L3MBTL4: variants seen among roughly 807,000 people sequenced by gnomAD.
L3MBTL4 encodes L3MBTL histone methyl-lysine binding protein 4, also known as lethal(3)malignant brain tumor-like protein 4.
A neutral mutation model predicts 84.5 loss-of-function variants in L3MBTL4; 70 were observed. That is an observed-to-expected ratio of 0.83 (90% CI 0.68 to 1.01). The LOEUF (loss-of-function observed/expected upper bound fraction) is 1.01, where lower values mean the gene tolerates loss of function less well. Ranked by LOEUF, L3MBTL4 falls within the 50% of genes least tolerant of loss-of-function variation. The pLI is 0.00. For missense variants in L3MBTL4, 715 were observed against 754.8 expected (o/e 0.95, Z 0.62); for synonymous variants, 274 against 259.8 (o/e 1.05, Z -0.52).
intron 16 of L3MBTL4, among the ~76,000 whole-genome samples, chr18:5,973,859 G>A (rs1022247994): frequency 2.6e-5 from 4 of 152,152 alleles, no homozygotes; most frequent in South Asian, 2.1e-4. Flanking sequence ...CCTCATTGCC[G>A]TCATGACTCC....
chr18:6,322,341 A>C (rs2051449934), intron 1 of L3MBTL4, among the ~76,000 whole-genome samples: 1 of 151,930 alleles, frequency 6.6e-6, no homozygotes, highest in African/African-American at 2.4e-5. Context: ...CTGTCTCAAA[A>C]AAAGAAAAGA....
chr18:6,047,174 C>T (rs1368821894), intron 16 of L3MBTL4, among the ~76,000 whole-genome samples: 2 of 152,088 alleles, frequency 1.3e-5, no homozygotes, highest in Admixed American at 1.3e-4. Flanking sequence ...CCTGGAAACA[C>T]ATAACCTCCC....
chr18:6,324,786 A>G (rs143427642), intron 1 of L3MBTL4, among the ~76,000 whole-genome samples: 46 of 152,302 alleles, frequency 3.0e-4, no homozygotes, highest in African/African-American at 1.1e-3. Flanking sequence ...AAGATCTACT[A>G]ATGTGTTATT....
chr18:6,241,497 T>G (rs762265788), intron 7 of L3MBTL4, 48 bp from the exon 8 acceptor site: 13 of 1,030,148 alleles, frequency 1.3e-5, no homozygotes, highest in East Asian at 2.4e-5. Context: ...TGTAATCACA[T>G]GCATATTAAA....
chr18:6,008,388 T>G (rs1047666953), intron 16 of L3MBTL4, among the ~76,000 whole-genome samples: 1 of 152,178 alleles, frequency 6.6e-6, no homozygotes, highest in Admixed American at 6.5e-5. Flanking sequence ...CAATATGAGA[T>G]GTTACAACTT....
At chr18:6,070,203 C>T (rs1331697794) in intron 16 of L3MBTL4, among the ~76,000 whole-genome samples, 1 of 152,076 alleles carries the variant, frequency 6.6e-6, no homozygotes, top group African/African-American at 2.4e-5. Flanking sequence ...CAGATTTAAG[C>T]ACTATGAATC....
chr18:6,208,895 T>G (rs961226401), intron 12 of L3MBTL4, among the ~76,000 whole-genome samples: 1 of 152,176 alleles, frequency 6.6e-6, no homozygotes. Flanking sequence ...CAACTGCCAA[T>G]GAACCACATA....
At chr18:6,097,062 C>T (rs1205727756) in intron 14 of L3MBTL4, among the ~76,000 whole-genome samples, 1 of 152,164 alleles carries the variant, frequency 6.6e-6, no homozygotes, top group Non-Finnish European at 1.5e-5. Flanking sequence ...ATTAGCTTGA[C>T]CCACACAAAA....
intron 13 of L3MBTL4, among the ~76,000 whole-genome samples, chr18:6,164,728 T>G (rs1313012028): frequency 6.6e-6 from 1 of 151,674 alleles, no homozygotes; most frequent in African/African-American, 2.4e-5. Flanking sequence ...CAAAGATGGG[T>G]AAAAAACAGA....
intron 16 of L3MBTL4, among the ~76,000 whole-genome samples, chr18:6,076,684 AT>A (rs1171107321): frequency 6.7e-6 from 1 of 150,132 alleles, no homozygotes; most frequent in Non-Finnish European, 1.5e-5. Flanking sequence ...GTAAAAAAAA[AT>A]GTGAATTATT....
chr18:6,198,499 T>C (rs2045507516), intron 12 of L3MBTL4, among the ~76,000 whole-genome samples: 1 of 152,224 alleles, frequency 6.6e-6, no homozygotes, highest in Non-Finnish European at 1.5e-5. Flanking sequence ...GTATAATGCA[T>C]ATTTTTCAAG....
chr18:6,282,637 C>T (rs745912005), intron 4 of L3MBTL4, among the ~76,000 whole-genome samples: 6 of 152,164 alleles, frequency 3.9e-5, no homozygotes, highest in Non-Finnish European at 8.8e-5. Flanking sequence ...ATTTCGCCCA[C>T]ATCCTATCCT....
chr18:6,330,678 G>A (rs952242976), intron 1 of L3MBTL4, among the ~76,000 whole-genome samples: 4 of 152,158 alleles, frequency 2.6e-5, no homozygotes, highest in South Asian at 2.1e-4. Flanking sequence ...GCAGGATATC[G>A]ACATCTTTGA....
At chr18:6,327,331 G>A (rs981320262) in intron 1 of L3MBTL4, among the ~76,000 whole-genome samples, 1 of 152,122 alleles carries the variant, frequency 6.6e-6, no homozygotes, top group Non-Finnish European at 1.5e-5. Context: ...CGTGGCTTTT[G>A]TCTGTAACAG....
At position 6,263,927 on chromosome 18, in the gene L3MBTL4, T is replaced by TA. The variant is rs1489754809; in HGVS notation, c.219+19dup. 1 of 1,573,748 alleles carries TA rather than the reference T, an allele frequency of 6.4e-7. No homozygotes were observed. Among genetic ancestry groups the TA allele is most frequent in the Admixed American group, 1.7e-5 (1 of 59,984 alleles). On this transcript the variant is annotated intron_variant, in intron 5 of 18. Coordinates refer to ENST00000317931, the MANE Select transcript of L3MBTL4 (RefSeq NM_001330559.2). ...TAAGTGTTGCTTCCTTGCAAAAATA[T>TA]AAGTCCTTCAGTGGCTGACCTTGGA...
chr18:6,186,623 A>C (rs2044779933), intron 12 of L3MBTL4, among the ~76,000 whole-genome samples: 1 of 152,198 alleles, frequency 6.6e-6, no homozygotes, highest in Admixed American at 6.5e-5. Flanking sequence ...TCTCAGGCAA[A>C]CAGGAGGCAA....
chr18:5,985,311 T>C (rs2053418895), intron 16 of L3MBTL4, among the ~76,000 whole-genome samples: 1 of 152,186 alleles, frequency 6.6e-6, no homozygotes, highest in Non-Finnish European at 1.5e-5. Context: ...AACATAATGT[T>C]GCAGGTAAAG....
At chr18:6,013,228 G>A (rs533285644) in intron 16 of L3MBTL4, among the ~76,000 whole-genome samples, 25 of 152,224 alleles carry the variant, frequency 1.6e-4, no homozygotes, top group Admixed American at 7.2e-4. Flanking sequence ...CCCCAGCCCC[G>A]CTGGCAATGG....
At chr18:6,154,207 GCTGT>G (rs2043008342) in intron 13 of L3MBTL4, among the ~76,000 whole-genome samples, 1 of 152,062 alleles carries the variant, frequency 6.6e-6, no homozygotes, top group African/African-American at 2.4e-5. Flanking sequence ...TTAGTGTATT[GCTGT>G]CTATTTCTCT....
Sources: allele counts gnomAD v4.1 joint callset (sites outside exome capture counted in the v4.1 genomes callset), GRCh38; gene constraint gnomAD v4.1.1; transcripts MANE v1.5; gene names NCBI Gene and HGNC (gene_info 2026-07-23, HGNC 2026-07-21).